LRRC4C: variants seen among roughly 807,000 people sequenced by gnomAD.
LRRC4C encodes leucine rich repeat containing 4C.
Under a neutral mutation model 33.6 loss-of-function variants are expected in LRRC4C, and 5 were observed. The ratio of observed to expected loss-of-function variants is 0.15; its 90% confidence interval spans 0.08 to 0.31. The LOEUF is 0.31. LRRC4C is among the 10% of genes least tolerant of loss of function. The pLI is 1.00. For missense variants in LRRC4C, 560 were observed against 796.7 expected (o/e 0.70, Z 3.58); for synonymous variants, 329 against 302.0 (o/e 1.09, Z -0.93).
intron 4 of LRRC4C, among the ~76,000 whole-genome samples, chr11:40,243,479 T>C (rs898133693): frequency 2.6e-5 from 4 of 152,140 alleles, no homozygotes; most frequent in African/African-American, 9.7e-5. Context: ...AGAAGTGATA[T>C]GAGTATGTCT....
At chr11:41,000,102 G>A (rs1331316780) in intron 1 of LRRC4C, among the ~76,000 whole-genome samples, 4 of 152,098 alleles carry the variant, frequency 2.6e-5, no homozygotes, top group Non-Finnish European at 4.4e-5. Flanking sequence ...TATTCTGTAG[G>A]CTCATAGTTC....
intron 2 of LRRC4C, among the ~76,000 whole-genome samples, chr11:40,801,021 A>G (rs1252345926): frequency 6.6e-6 from 1 of 152,054 alleles, no homozygotes; most frequent in Non-Finnish European, 1.5e-5. Flanking sequence ...GTTTTCAATT[A>G]TTCACCCACG....
At chr11:40,715,885 C>A (rs1946681160) in intron 2 of LRRC4C, among the ~76,000 whole-genome samples, 1 of 151,986 alleles carries the variant, frequency 6.6e-6, no homozygotes, top group South Asian at 2.1e-4. Context: ...ATTAGCCCAT[C>A]ATGGTGGTGG....
intron 1 of LRRC4C, among the ~76,000 whole-genome samples, chr11:40,999,473 T>A (rs941238436): frequency 3.3e-5 from 5 of 152,144 alleles, no homozygotes; most frequent in African/African-American, 1.2e-4. Flanking sequence ...TTGTCTTAGC[T>A]CAAATATTAA....
intron 1 of LRRC4C, among the ~76,000 whole-genome samples, chr11:41,339,594 A>G (rs1343094427): frequency 6.6e-6 from 1 of 152,180 alleles, no homozygotes; most frequent in Non-Finnish European, 1.5e-5. Context: ...TTTAATTTCC[A>G]TGGGAACAGG....
intron 3 of LRRC4C, among the ~76,000 whole-genome samples, chr11:40,601,056 C>A (rs912179268): frequency 7.2e-5 from 11 of 152,150 alleles, no homozygotes; most frequent in Non-Finnish European, 1.5e-5. Context: ...TACTGTGAAA[C>A]ATGCAACACT....
At chr11:40,299,935 G>A (rs937863179) in intron 4 of LRRC4C, among the ~76,000 whole-genome samples, 2 of 152,192 alleles carry the variant, frequency 1.3e-5, no homozygotes, top group Non-Finnish European at 2.9e-5. Context: ...GGCTGTCCTT[G>A]CATTGCTATA....
chr11:40,677,387 A>G (rs1944458241), intron 2 of LRRC4C, among the ~76,000 whole-genome samples: 1 of 152,146 alleles, frequency 6.6e-6, no homozygotes, highest in African/African-American at 2.4e-5. Flanking sequence ...CTCTGTCTCA[A>G]CTCAAACAAA....
At chr11:40,842,632 T>G (rs1229786996) in intron 2 of LRRC4C, among the ~76,000 whole-genome samples, 1 of 152,170 alleles carries the variant, frequency 6.6e-6, no homozygotes, top group Non-Finnish European at 1.5e-5. Context: ...CAAACAGATC[T>G]AGGATTTATT....
chr11:40,971,160 C>T (rs1399766378), intron 1 of LRRC4C, among the ~76,000 whole-genome samples: 1 of 152,216 alleles, frequency 6.6e-6, no homozygotes, highest in East Asian at 1.9e-4. Flanking sequence ...GAGCCAAATG[C>T]TGATAGCCAG....
At chr11:41,229,113 T>C (rs1947670433) in intron 1 of LRRC4C, among the ~76,000 whole-genome samples, 2 of 152,034 alleles carry the variant, frequency 1.3e-5, no homozygotes. Flanking sequence ...TGGGGGTCAT[T>C]ATGGAAAATT....
At chr11:40,591,258 C>T (rs1591207975) in intron 3 of LRRC4C, among the ~76,000 whole-genome samples, 1 of 152,168 alleles carries the variant, frequency 6.6e-6, no homozygotes, top group Admixed American at 6.5e-5. Flanking sequence ...CCATCCGTCA[C>T]CCCTTTCTTT....
intron 4 of LRRC4C, among the ~76,000 whole-genome samples, chr11:40,288,490 C>G (rs1005730776): frequency 2.0e-5 from 3 of 152,150 alleles, no homozygotes; most frequent in African/African-American, 7.2e-5. Context: ...CAGTAGAACT[C>G]CTTTTCTCTT....
At chr11:40,516,593 C>T (rs978711775) in intron 3 of LRRC4C, among the ~76,000 whole-genome samples, 1 of 152,040 alleles carries the variant, frequency 6.6e-6, no homozygotes, top group Non-Finnish European at 1.5e-5. Flanking sequence ...AGGCACATGG[C>T]TAGGGAATAT....
chr11:40,971,602 GAC>G (rs1383650103), intron 1 of LRRC4C, among the ~76,000 whole-genome samples: 1 of 152,174 alleles, frequency 6.6e-6, no homozygotes, highest in Non-Finnish European at 1.5e-5. Flanking sequence ...TTGGAGCTCT[GAC>G]ACAGAGTTCC....
intron 4 of LRRC4C, among the ~76,000 whole-genome samples, chr11:40,301,238 C>T (rs188711498): frequency 6.6e-6 from 1 of 152,280 alleles, no homozygotes; most frequent in African/African-American, 2.4e-5. Context: ...TCTGAATGGC[C>T]TTCAACTCAG....
chr11:40,551,186 G>T (rs1265667794), intron 3 of LRRC4C, among the ~76,000 whole-genome samples: 1 of 151,840 alleles, frequency 6.6e-6, no homozygotes, highest in Non-Finnish European at 1.5e-5. Flanking sequence ...TGCATTACAA[G>T]AGCTATGGTT....
At chr11:40,909,656 T>G (rs1234227115) in intron 2 of LRRC4C, among the ~76,000 whole-genome samples, 1 of 152,184 alleles carries the variant, frequency 6.6e-6, no homozygotes, top group African/African-American at 2.4e-5. Context: ...ATTATGTATA[T>G]TATGTAACTA....
At chr11:41,354,630 A>C (rs966570045) in intron 1 of LRRC4C, among the ~76,000 whole-genome samples, 9 of 152,218 alleles carry the variant, frequency 5.9e-5, no homozygotes, top group Admixed American at 5.2e-4. Flanking sequence ...TTGAAATTAT[A>C]CTACAGCATG....
Sources: allele counts gnomAD v4.1 joint callset (sites outside exome capture counted in the v4.1 genomes callset), GRCh38; gene constraint gnomAD v4.1.1; transcripts MANE v1.5; gene names NCBI Gene and HGNC (gene_info 2026-07-23, HGNC 2026-07-21).